Variants in RBFOX1 observed in about 807,000 individuals in gnomAD.
The protein encoded by RBFOX1 is RNA binding fox-1 homolog 1.
RBFOX1 carries 8 observed loss-of-function variants against 57.7 expected under a neutral mutation model. That is an observed-to-expected ratio of 0.14 (90% confidence interval 0.08 to 0.25). The LOEUF (loss-of-function observed/expected upper bound fraction) is 0.25. RBFOX1 is among the 10% of genes least tolerant of loss of function. RBFOX1 has a pLI of 1.00. For missense variants in RBFOX1, 611 were observed against 548.5 expected (o/e 1.11, Z -1.14); for synonymous variants, 326 against 222.4 (o/e 1.47, Z -4.15).
At chr16:6,986,301 A>C (rs985123190) in intron 3 of RBFOX1, among the ~76,000 whole-genome samples, 8 of 152,092 alleles carry the variant, frequency 5.3e-5, no homozygotes, top group African/African-American at 1.4e-4. Flanking sequence ...CCCGGGTTCA[A>C]GCGACTCTTG....
At chr16:5,604,846 C>T (rs575538555), downstream of RBFOX1, among the ~76,000 whole-genome samples, 102 of 152,284 alleles carry the variant, frequency 6.7e-4, no homozygotes, top group African/African-American at 2.3e-3. Context: ...TCCTTATCCC[C>T]TAGTCATCTG....
At chr16:7,249,357 G>A (rs1232500919) in intron 4 of RBFOX1, among the ~76,000 whole-genome samples, 2 of 152,022 alleles carry the variant, frequency 1.3e-5, no homozygotes, top group East Asian at 3.9e-4. Flanking sequence ...AGGACAATAA[G>A]AACAAAATCT....
intron 3 of RBFOX1, among the ~76,000 whole-genome samples, chr16:6,667,874 G>C (rs1157701544): frequency 6.6e-6 from 1 of 151,764 alleles, no homozygotes; most frequent in Non-Finnish European, 1.5e-5. Flanking sequence ...GGGTGACAGA[G>C]CAAGACCCTA....
chr16:7,549,899 A>G (rs941757753), intron 5 of RBFOX1, among the ~76,000 whole-genome samples: 3 of 152,062 alleles, frequency 2.0e-5, no homozygotes, highest in Non-Finnish European at 4.4e-5. Context: ...CGTTGACAAT[A>G]TTAACCATCA....
At chr16:6,806,065 C>T (rs1260591493) in intron 3 of RBFOX1, among the ~76,000 whole-genome samples, 1 of 152,142 alleles carries the variant, frequency 6.6e-6, no homozygotes, top group East Asian at 1.9e-4. Flanking sequence ...CATCCAGCAG[C>T]TTGGAGAAGT....
intron 5 of RBFOX1, among the ~76,000 whole-genome samples, chr16:7,565,256 A>G (rs935743611): frequency 1.3e-5 from 2 of 151,932 alleles, no homozygotes; most frequent in African/African-American, 4.8e-5. Context: ...TTGATCTGGT[A>G]TGCATGATTT....
intron 2 of RBFOX1, among the ~76,000 whole-genome samples, chr16:6,452,692 T>G (rs1236814867): frequency 6.6e-6 from 1 of 152,230 alleles, no homozygotes; most frequent in Non-Finnish European, 1.5e-5. Flanking sequence ...ACATGATATT[T>G]GACTATAGGT....
intron 3 of RBFOX1, among the ~76,000 whole-genome samples, chr16:6,814,596 T>A (rs2089617285): frequency 6.6e-6 from 1 of 152,094 alleles, no homozygotes; most frequent in Non-Finnish European, 1.5e-5. Flanking sequence ...TCACAGAGAT[T>A]CTCAAGTAAA....
chr16:7,670,291 C>G (rs760412900), intron 13 of RBFOX1, among the ~76,000 whole-genome samples: 2 of 152,148 alleles, frequency 1.3e-5, no homozygotes, highest in Non-Finnish European at 2.9e-5. Flanking sequence ...CTTGGCCTCC[C>G]AAAGTGCTAG....
At chr16:6,689,503 A>G (rs1052450361) in intron 3 of RBFOX1, among the ~76,000 whole-genome samples, 1 of 152,188 alleles carries the variant, frequency 6.6e-6, no homozygotes, top group South Asian at 2.1e-4. Context: ...TATTTAATGC[A>G]CAAATTTTTT....
At chr16:6,230,456 G>A (rs1349367956) in intron 1 of RBFOX1, among the ~76,000 whole-genome samples, 2 of 152,224 alleles carry the variant, frequency 1.3e-5, no homozygotes, top group Non-Finnish European at 2.9e-5. Context: ...AGACCACCGC[G>A]TTCTAAAACT....
intron 4 of RBFOX1, among the ~76,000 whole-genome samples, chr16:7,174,837 C>T (rs1388997346): frequency 2.6e-5 from 4 of 152,220 alleles, no homozygotes; most frequent in Middle Eastern, 3.4e-3. Flanking sequence ...AAAGCGGTTG[C>T]GTTATTCAAT....
intron 2 of RBFOX1, among the ~76,000 whole-genome samples, chr16:6,420,755 G>A (rs1479094618): frequency 5.9e-5 from 9 of 152,212 alleles, no homozygotes; most frequent in African/African-American, 1.9e-4. Flanking sequence ...TCAGTGCAGA[G>A]ACCAGAGAAA....
chr16:6,797,227 C>T (rs139435556), intron 3 of RBFOX1, among the ~76,000 whole-genome samples: 1 of 152,102 alleles, frequency 6.6e-6, no homozygotes, highest in African/African-American at 2.4e-5. Context: ...CCAAATTGGC[C>T]GTGCCTTTGA....
At chr16:6,968,742 C>T (rs2084852879) in intron 3 of RBFOX1, among the ~76,000 whole-genome samples, 1 of 152,174 alleles carries the variant, frequency 6.6e-6, no homozygotes, top group Admixed American at 6.5e-5. Context: ...TCTCCCTCCT[C>T]TCCCTCCTCT....
rs543052405 is a variant in RBFOX1, at chr16:6,471,263, G to A, written c.-64+154206G>A. ...ATGCATCCTTGGAGATCCAACTCAA[G>A]CATCATCACCTTTTGAATTCTCTGA... On this transcript the variant is annotated intron_variant, in intron 2 of 15. Coordinates refer to ENST00000550418, the MANE Select transcript of RBFOX1 (RefSeq NM_018723.4). 8.2e-4 allele frequency among the ~76,000 whole-genome samples: 125 copies of A among 152,260 alleles called. 1 individual carries two copies. The highest frequency in any genetic ancestry group is 1.3e-3 in the Non-Finnish European group (91 of 68,026).
intron 1 of RBFOX1, among the ~76,000 whole-genome samples, chr16:6,162,107 A>T (rs1001674085): frequency 6.6e-6 from 1 of 152,104 alleles, no homozygotes; most frequent in Non-Finnish European, 1.5e-5. Flanking sequence ...AAAGAACAGG[A>T]TTTCTGTATT....
chr16:5,937,089 A>G lies in RBFOX1; in HGVS notation c.351+69754A>G, dbSNP rs953892932. On this transcript the variant is annotated intron_variant, in intron 4 of 19. Coordinates refer to the RBFOX1 transcript ENST00000641259. Reference sequence around the variant, plus strand: ...GCATCATAGACCTATTGTAAGGGCTAAAGTCTAGTGTGGATAATTTATAAA... The same window carrying G: ...GCATCATAGACCTATTGTAAGGGCTGAAGTCTAGTGTGGATAATTTATAAA... Among the ~76,000 whole-genome samples, 12 of 152,164 alleles carry G rather than the reference A, an allele frequency of 7.9e-5. No individual in the cohort carries two copies. In the East Asian group the frequency reaches 2.1e-3, roughly 27 times the overall value.
At chr16:7,257,137 C>T (rs2094721303) in intron 4 of RBFOX1, among the ~76,000 whole-genome samples, 1 of 152,284 alleles carries the variant, frequency 6.6e-6, no homozygotes, top group East Asian at 1.9e-4. Context: ...ACGAAATTGC[C>T]TTCGGAAAAC....
Sources: allele counts gnomAD v4.1 joint callset (sites outside exome capture counted in the v4.1 genomes callset), GRCh38; gene constraint gnomAD v4.1.1; transcripts MANE v1.5; gene names NCBI Gene and HGNC (gene_info 2026-07-23, HGNC 2026-07-21).